The following PCCA variants were observed in gnomAD, a reference collection of about 807,000 sequenced individuals.
The protein encoded by PCCA is propionyl-CoA carboxylase subunit alpha.
A neutral mutation model predicts 101.3 loss-of-function variants in PCCA; 74 were observed. The ratio of observed to expected loss-of-function variants is 0.73; its 90% CI spans 0.61 to 0.89. PCCA has a LOEUF of 0.89. Ranked by LOEUF, PCCA falls within the 40% of genes least tolerant of loss-of-function variation. PCCA has a pLI of 0.00. For synonymous variants in PCCA, 294 were observed against 313.6 expected, an observed-to-expected ratio of 0.94 and a Z score of 0.66; for missense variants, 891 against 907.0, an observed-to-expected ratio of 0.98 and a Z score of 0.23.
At chr13:100,433,586 C>T (rs1595885793) in intron 20 of PCCA, among the ~76,000 whole-genome samples, 1 of 152,056 alleles carries the variant, frequency 6.6e-6, no homozygotes, top group African/African-American at 2.4e-5. Context: ...TGTAATGTTG[C>T]TACCAGGTAA....
chr13:100,525,763 G>T lies in PCCA; in HGVS notation c.2041-1912G>T, dbSNP rs1035940861. ...CCATGTGAAGCCAATGTACTTGGCG[G>T]GGGGACGGGGCTCTGGCCAGTCCTG... On this transcript the variant is annotated intron_variant, in intron 22 of 23. Transcript: ENST00000376285. Among the ~76,000 whole-genome samples the T allele has an allele frequency of 2.0e-5, 3 of 152,338 alleles. No homozygotes were observed. The South Asian group carries it at 6.2e-4, about 32-fold the overall frequency.
At chr13:100,261,375 C>CTT (rs759988465) in intron 9 of PCCA, among the ~76,000 whole-genome samples, 1 of 145,674 alleles carries the variant, frequency 6.9e-6, no homozygotes, top group African/African-American at 2.5e-5. Context: ...TTTTTCTTTT[C>CTT]TTTTTTTTTT....
intron 22 of PCCA, among the ~76,000 whole-genome samples, chr13:100,526,990 TG>T (rs2087885372): frequency 6.6e-6 from 1 of 152,192 alleles, no homozygotes; most frequent in African/African-American, 2.4e-5. Flanking sequence ...TGCCTTGTTG[TG>T]GGTACTCGCT....
intron 19 of PCCA, among the ~76,000 whole-genome samples, chr13:100,386,656 C>T (rs1043364559): frequency 9.2e-5 from 14 of 152,256 alleles, no homozygotes; most frequent in Non-Finnish European, 1.9e-4. Flanking sequence ...GCTGGGATTA[C>T]AGGCGTGAGC....
At chr13:100,475,634 G>A (rs574196888) in intron 21 of PCCA, among the ~76,000 whole-genome samples, 1 of 152,274 alleles carries the variant, frequency 6.6e-6, no homozygotes, top group South Asian at 2.1e-4. Context: ...GGGCGACAAG[G>A]TTTTAATTTT....
chr13:100,089,601 T>C (rs1017953136), intron 1 of PCCA, among the ~76,000 whole-genome samples: 3 of 152,252 alleles, frequency 2.0e-5, no homozygotes, highest in Non-Finnish European at 4.4e-5. Context: ...GGTGTCCTTA[T>C]AGTTTCCGTG....
At chr13:100,388,753 A>T (rs575514636) in intron 19 of PCCA, among the ~76,000 whole-genome samples, 1 of 152,296 alleles carries the variant, frequency 6.6e-6, no homozygotes, top group South Asian at 2.1e-4. Context: ...CAAGATTGCA[A>T]CATTGGACTC....
At chr13:100,365,250 A>T (rs567881343) in intron 18 of PCCA, among the ~76,000 whole-genome samples, 2 of 152,298 alleles carry the variant, frequency 1.3e-5, no homozygotes, top group South Asian at 4.1e-4. Flanking sequence ...TTAACTCGAA[A>T]CCCTGTACTC....
At chr13:100,351,495 CTGTT>C (rs1442249980) in intron 18 of PCCA, among the ~76,000 whole-genome samples, 4 of 151,810 alleles carry the variant, frequency 2.6e-5, no homozygotes, top group Non-Finnish European at 4.4e-5. Flanking sequence ...GCTTTTTTCT[CTGTT>C]TGTATATATG....
intron 22 of PCCA, among the ~76,000 whole-genome samples, chr13:100,522,517 G>T (rs756450230): frequency 1.7e-4 from 26 of 152,242 alleles, no homozygotes; most frequent in Middle Eastern, 3.4e-3. Context: ...GGGCTTCCTG[G>T]GGGGCGGGGC....
intron 8 of PCCA, among the ~76,000 whole-genome samples, chr13:100,241,551 G>A (rs1406758980): frequency 6.6e-6 from 1 of 152,048 alleles, no homozygotes. Context: ...GCTCACTGCA[G>A]CTTTAATCTC....
At chr13:100,101,629 C>T (rs1181922603) in intron 1 of PCCA, among the ~76,000 whole-genome samples, 4 of 151,918 alleles carry the variant, frequency 2.6e-5, no homozygotes, top group Non-Finnish European at 5.9e-5. Flanking sequence ...TGAGGAGTTT[C>T]GCTCTTGTTG....
intron 6 of PCCA, among the ~76,000 whole-genome samples, chr13:100,196,460 A>G (rs1566682079): frequency 6.6e-6 from 1 of 152,324 alleles, no homozygotes; most frequent in Middle Eastern, 3.4e-3. Context: ...GCCGACAGTT[A>G]CAGTGGGGAA....
chr13:100,385,098 C>T (rs1385721744), intron 19 of PCCA, among the ~76,000 whole-genome samples: 1 of 152,008 alleles, frequency 6.6e-6, no homozygotes, highest in Admixed American at 6.6e-5. Context: ...AAAAAGTATA[C>T]TGAACAAAGC....
At chr13:100,213,425 G>A (rs533360285) in intron 7 of PCCA, among the ~76,000 whole-genome samples, 2 of 152,226 alleles carry the variant, frequency 1.3e-5, no homozygotes, top group African/African-American at 4.8e-5. Flanking sequence ...TTGGATAAAA[G>A]CCAATTTAAC....
chr13:100,365,246 C>T (rs114670722), intron 18 of PCCA, among the ~76,000 whole-genome samples: 2,876 of 152,152 alleles, frequency 0.019, 91 homozygotes, highest in African/African-American at 0.066. Flanking sequence ...TGTTTTAACT[C>T]GAAACCCTGT....
intron 19 of PCCA, among the ~76,000 whole-genome samples, chr13:100,402,218 T>C (rs929782668): frequency 6.6e-6 from 1 of 152,138 alleles, no homozygotes; most frequent in African/African-American, 2.4e-5. Context: ...TTTATTAGTC[T>C]TACAAAAGCT....
intron 16 of PCCA, among the ~76,000 whole-genome samples, chr13:100,322,920 A>G (rs2068219105): frequency 6.6e-6 from 1 of 152,146 alleles, no homozygotes; most frequent in African/African-American, 2.4e-5. Flanking sequence ...TAGTTTACTT[A>G]TTCTATAACT....
At chr13:100,422,076 T>C (rs2078822696) in intron 19 of PCCA, among the ~76,000 whole-genome samples, 3 of 127,884 alleles carry the variant, frequency 2.3e-5, no homozygotes, top group African/African-American at 7.2e-5. Flanking sequence ...TTTCTTTTCT[T>C]TCTTTCTTTC....
Sources: allele counts gnomAD v4.1 joint callset (sites outside exome capture counted in the v4.1 genomes callset), GRCh38; gene constraint gnomAD v4.1.1; transcripts MANE v1.5; gene names NCBI Gene and HGNC (gene_info 2026-07-23, HGNC 2026-07-21).